The following HDAC9 variants were observed in gnomAD, a reference collection of about 807,000 sequenced individuals.
The protein encoded by HDAC9 is MEF-2 interacting transcription repressor (MITR) protein.
In HDAC9, 41 loss-of-function variants were observed where a neutral mutation model predicts 139.4. The ratio of observed to expected loss-of-function variants is 0.29; its 90% confidence interval spans 0.23 to 0.38. The LOEUF (loss-of-function observed/expected upper bound fraction) is 0.38, where lower values mean the gene tolerates loss of function less well. HDAC9 is among the 10% of genes least tolerant of loss of function. The probability of loss-of-function intolerance (pLI) is 1.00; values close to 1 mark genes in which losing one functional copy is unlikely to be tolerated. For missense variants in HDAC9, 1,147 were observed against 1,297.0 expected, an observed-to-expected ratio of 0.88 and a Z score of 1.78; for synonymous variants, 517 against 476.2, an observed-to-expected ratio of 1.09 and a Z score of -1.12.
upstream of HDAC9, among the ~76,000 whole-genome samples, chr7:18,490,903 T>C (rs981645492): frequency 2.0e-5 from 3 of 152,020 alleles, no homozygotes; most frequent in Admixed American, 6.6e-5. Context: ...ATTTGCAGCA[T>C]ACTACAATTG....
intron 1 of HDAC9, among the ~76,000 whole-genome samples, chr7:18,309,491 G>T (rs1045778764): frequency 1.1e-4 from 17 of 152,116 alleles, no homozygotes; most frequent in Non-Finnish European, 2.1e-4. Context: ...GGTAAAGGTA[G>T]CCTCACTGTT....
intron 25 of HDAC9, among the ~76,000 whole-genome samples, chr7:18,981,219 G>C (rs994347188): frequency 6.6e-6 from 1 of 152,100 alleles, no homozygotes; most frequent in East Asian, 1.9e-4. Context: ...GCTGTTCATA[G>C]GTTAAATCAA....
At chr7:18,157,152 A>G (rs561184883) in intron 1 of HDAC9, among the ~76,000 whole-genome samples, 56 of 152,350 alleles carry the variant, frequency 3.7e-4, no homozygotes, top group African/African-American at 1.3e-3. Flanking sequence ...AGACAGAGAC[A>G]CAAAAGCATG....
intron 1 of HDAC9, among the ~76,000 whole-genome samples, chr7:18,476,732 T>G (rs1795139270): frequency 6.6e-6 from 1 of 152,208 alleles, no homozygotes; most frequent in African/African-American, 2.4e-5. Context: ...GCAATAAACT[T>G]ATCTGTATAT....
intron 23 of HDAC9, among the ~76,000 whole-genome samples, chr7:18,941,196 C>T (rs1018913979): frequency 6.6e-6 from 1 of 151,468 alleles, no homozygotes; most frequent in African/African-American, 2.4e-5. Flanking sequence ...TGCCTCCCTC[C>T]CGTTATTCTT....
intron 2 of HDAC9, among the ~76,000 whole-genome samples, chr7:18,570,298 A>C (rs927068779): frequency 6.6e-6 from 1 of 152,244 alleles, no homozygotes; most frequent in East Asian, 1.9e-4. Flanking sequence ...GTTCCTTAAA[A>C]AGAGTGCTGA....
At chr7:18,502,982 C>T (rs1311086371) in intron 2 of HDAC9, among the ~76,000 whole-genome samples, 3 of 152,064 alleles carry the variant, frequency 2.0e-5, no homozygotes, top group Non-Finnish European at 4.4e-5. Flanking sequence ...ATGTGTTCGC[C>T]AGTAGGTTGT....
intron 1 of HDAC9, among the ~76,000 whole-genome samples, chr7:18,381,825 G>A (rs956354727): frequency 5.9e-5 from 9 of 152,170 alleles, no homozygotes; most frequent in South Asian, 4.2e-4. Flanking sequence ...TATATTTAAC[G>A]TTACAAAATA....
intron 16 of HDAC9, among the ~76,000 whole-genome samples, chr7:18,788,753 T>A (rs1238598416): frequency 2.2e-5 from 3 of 135,676 alleles, no homozygotes; most frequent in East Asian, 2.1e-4. Flanking sequence ...AGACTCTGTT[T>A]AAAAAAAAAA....
chr7:18,731,805 T>C (rs1372946939), intron 13 of HDAC9, among the ~76,000 whole-genome samples: 1 of 152,082 alleles, frequency 6.6e-6, no homozygotes, highest in Non-Finnish European at 1.5e-5. Context: ...TTTGTATTTT[T>C]AGTAGAGACG....
At chr7:18,570,109 C>T (rs562083459) in intron 2 of HDAC9, among the ~76,000 whole-genome samples, 1 of 152,230 alleles carries the variant, frequency 6.6e-6, no homozygotes, top group South Asian at 2.1e-4. Context: ...GACTTCATTA[C>T]CAGGCAGTCT....
chr7:18,346,181 G>A (rs529456239), intron 1 of HDAC9, among the ~76,000 whole-genome samples: 2 of 152,152 alleles, frequency 1.3e-5, no homozygotes, highest in African/African-American at 4.8e-5. Context: ...TCCTTCCTAG[G>A]ATAGCAGTAA....
chr7:18,363,257 T>C (rs1783921826), intron 1 of HDAC9, among the ~76,000 whole-genome samples: 1 of 152,146 alleles, frequency 6.6e-6, no homozygotes, highest in South Asian at 2.1e-4. Context: ...TTTCTTAATG[T>C]CAGATGAGGT....
intron 1 of HDAC9, among the ~76,000 whole-genome samples, chr7:18,447,231 A>G (rs1207387949): frequency 6.6e-6 from 1 of 152,192 alleles, no homozygotes; most frequent in Non-Finnish European, 1.5e-5. Context: ...ATTTATGATG[A>G]AATATACTGA....
intron 22 of HDAC9, among the ~76,000 whole-genome samples, chr7:18,919,981 C>T (rs1418451374): frequency 6.6e-6 from 1 of 152,122 alleles, no homozygotes; most frequent in South Asian, 2.1e-4. Context: ...GCAATGCGGG[C>T]TCTTTTTTGG....
At chr7:18,357,839 G>A (rs1783443423) in intron 1 of HDAC9, among the ~76,000 whole-genome samples, 1 of 152,182 alleles carries the variant, frequency 6.6e-6, no homozygotes, top group South Asian at 2.1e-4. Context: ...AAGCTAGGAT[G>A]TGGCTTGGGG....
At chr7:18,977,484 A>G (rs1348688090) in intron 25 of HDAC9, among the ~76,000 whole-genome samples, 2 of 152,198 alleles carry the variant, frequency 1.3e-5, no homozygotes, top group Non-Finnish European at 1.5e-5. Flanking sequence ...ATAATAAGTG[A>G]TGTTATGAGC....
intron 1 of HDAC9, among the ~76,000 whole-genome samples, chr7:18,349,175 C>A (rs117524917): frequency 1.5e-3 from 235 of 152,160 alleles, no homozygotes; most frequent in Admixed American, 2.6e-3. Context: ...CACCGTATGT[C>A]TTTCATGTTC....
intron 1 of HDAC9, among the ~76,000 whole-genome samples, chr7:18,393,723 T>C (rs1435520512): frequency 6.6e-6 from 1 of 152,196 alleles, no homozygotes; most frequent in Non-Finnish European, 1.5e-5. Flanking sequence ...CCCTAGATGC[T>C]GAAAGCTTAG....
Sources: allele counts gnomAD v4.1 joint callset (sites outside exome capture counted in the v4.1 genomes callset), GRCh38; gene constraint gnomAD v4.1.1; transcripts MANE v1.5; gene names NCBI Gene and HGNC (gene_info 2026-07-23, HGNC 2026-07-21).